DSCAM: variants seen among roughly 807,000 people sequenced by gnomAD.
DSCAM encodes the protein cell adhesion molecule DSCAM.
A neutral mutation model predicts 217.7 loss-of-function variants in DSCAM; 47 were observed. The ratio of observed to expected loss-of-function variants is 0.22; its 90% CI spans 0.17 to 0.28. DSCAM has a LOEUF of 0.28. Ranked by LOEUF, DSCAM falls within the 10% of genes least tolerant of loss-of-function variation. DSCAM has a pLI of 1.00. For synonymous variants in DSCAM, 1,056 were observed against 1,015.3 expected (o/e 1.04, Z -0.76); for missense variants, 2,080 against 2,618.3 (o/e 0.79, Z 4.49).
At chr21:40,563,063 TAAGAA>T (rs1568907149) in intron 3 of DSCAM, among the ~76,000 whole-genome samples, 1 of 152,144 alleles carries the variant, frequency 6.6e-6, no homozygotes, top group Non-Finnish European at 1.5e-5. Context: ...GAGTTATCCC[TAAGAA>T]AAGCTTACAC....
intron 3 of DSCAM, among the ~76,000 whole-genome samples, chr21:40,567,759 C>T (rs187638338): frequency 1.1e-3 from 161 of 152,360 alleles, no homozygotes; most frequent in Non-Finnish European, 2.0e-3. Flanking sequence ...CATTCCCAAA[C>T]TTAGATTAGC....
rs113600270 is a variant in DSCAM, at chr21:40,803,776, GA to G, written c.43+42842del. Among the ~76,000 whole-genome samples, 722 of 148,202 alleles carry G rather than the reference GA, an allele frequency of 4.9e-3. 6 individuals are homozygous for G. Among genetic ancestry groups the G allele is most frequent in the South Asian group, 0.03 (142 of 4,658 alleles). ...AGGAAAAGAGGAAGGGAAGAATGGG[GA>G]AAAAAAAAACACCTTTATACCTGTG... On this transcript the variant is annotated intron_variant, in intron 1 of 32. Coordinates refer to ENST00000400454, the MANE Select transcript of DSCAM (RefSeq NM_001389.5).
intron 20 of DSCAM, among the ~76,000 whole-genome samples, chr21:40,120,439 A>T (rs1461278921): frequency 6.6e-6 from 1 of 152,254 alleles, no homozygotes; most frequent in African/African-American, 2.4e-5. Flanking sequence ...AAAGTTTTTC[A>T]GACTGCTTTT....
At chr21:40,536,657 T>A (rs541124022) in intron 3 of DSCAM, among the ~76,000 whole-genome samples, 1 of 152,126 alleles carries the variant, frequency 6.6e-6, no homozygotes, top group Non-Finnish European at 1.5e-5. Context: ...CCGCCCGCCT[T>A]GGCCTCCCAA....
chr21:40,433,236 C>T (rs2075552041), intron 3 of DSCAM, among the ~76,000 whole-genome samples: 1 of 151,350 alleles, frequency 6.6e-6, no homozygotes, highest in Admixed American at 6.6e-5. Context: ...GTAGTCCCAG[C>T]TACGCGGGAG....
At chr21:40,220,203 C>T (rs1639299389) in intron 11 of DSCAM, among the ~76,000 whole-genome samples, 1 of 152,168 alleles carries the variant, frequency 6.6e-6, no homozygotes, top group Non-Finnish European at 1.5e-5. Context: ...AAGATGTGAG[C>T]ACCTTGTGTA....
chr21:40,043,430 T>A (rs373821615), intron 31 of DSCAM, among the ~76,000 whole-genome samples: 1 of 152,194 alleles, frequency 6.6e-6, no homozygotes, highest in Non-Finnish European at 1.5e-5. Context: ...TTGAAGTATA[T>A]CATCAAGAAC....
intron 1 of DSCAM, among the ~76,000 whole-genome samples, chr21:40,838,319 G>A (rs2092072820): frequency 6.6e-6 from 1 of 152,170 alleles, no homozygotes; most frequent in Non-Finnish European, 1.5e-5. Context: ...CACCTGAAGT[G>A]GCATGGATGG....
rs192303923 is a variant in DSCAM, at chr21:40,700,945, C to T, written c.361+7509G>A. Among the ~76,000 whole-genome samples the T allele has an allele frequency of 5.9e-5, 9 of 151,980 alleles. No homozygotes were observed. The South Asian group carries it at 8.3e-4, about 14-fold the overall frequency. On this transcript the variant is annotated intron_variant, in intron 2 of 32. Coordinates refer to ENST00000400454, the MANE Select transcript of DSCAM (RefSeq NM_001389.5). ...AGAGATGGATTTTCACCATGTTGGC[C>T]GGGCTGGTCTTGAACTCCTGACTTC... is the stretch of plus-strand genomic sequence containing the variant.
chr21:40,062,549 T>C (rs2089139211), intron 28 of DSCAM, among the ~76,000 whole-genome samples: 1 of 152,190 alleles, frequency 6.6e-6, no homozygotes, highest in African/African-American at 2.4e-5. Context: ...TCACCAGTAG[T>C]AAATTTAGAT....
At chr21:40,747,447 A>T (rs960168627) in intron 1 of DSCAM, among the ~76,000 whole-genome samples, 1 of 151,800 alleles carries the variant, frequency 6.6e-6, no homozygotes, top group Non-Finnish European at 1.5e-5. Flanking sequence ...AAGAAATTGG[A>T]AAATCTAGAA....
intron 8 of DSCAM, among the ~76,000 whole-genome samples, chr21:40,332,661 G>A (rs1439926273): frequency 6.6e-6 from 1 of 152,164 alleles, no homozygotes; most frequent in East Asian, 1.9e-4. Context: ...AAGTTGAAAT[G>A]AAGTGAAAGA....
chr21:40,818,010 G>C (rs549007760), intron 1 of DSCAM, among the ~76,000 whole-genome samples: 1 of 144,868 alleles, frequency 6.9e-6, no homozygotes, highest in African/African-American at 2.6e-5. Flanking sequence ...GCAGGAGAAT[G>C]GCGTGAACCC....
chr21:40,451,033 G>C (rs2075714699), intron 3 of DSCAM, among the ~76,000 whole-genome samples: 1 of 152,138 alleles, frequency 6.6e-6, no homozygotes, highest in South Asian at 2.1e-4. Flanking sequence ...GTCCTTCAAG[G>C]GCAGGCCTAC....
intron 8 of DSCAM, among the ~76,000 whole-genome samples, chr21:40,324,945 C>T (rs1248009439): frequency 2.6e-5 from 4 of 152,100 alleles, no homozygotes; most frequent in African/African-American, 4.8e-5. Context: ...CCAGAGGTGA[C>T]GACAACCAGG....
chr21:40,015,900 T>C (rs1157664722), intron 32 of DSCAM, among the ~76,000 whole-genome samples: 1 of 152,228 alleles, frequency 6.6e-6, no homozygotes, highest in Non-Finnish European at 1.5e-5. Context: ...TTCTGCTGTT[T>C]TGGTACAGAC....
chr21:40,147,436 T>G (rs2146725699), intron 16 of DSCAM, among the ~76,000 whole-genome samples: 1 of 152,350 alleles, frequency 6.6e-6, no homozygotes, highest in East Asian at 1.9e-4. Context: ...CAGGTGTTTT[T>G]GTTCTGTTCC....
intron 1 of DSCAM, among the ~76,000 whole-genome samples, chr21:40,771,340 T>C (rs1011509652): frequency 3.3e-5 from 5 of 152,198 alleles, no homozygotes; most frequent in African/African-American, 1.2e-4. Flanking sequence ...GCTGCAATGA[T>C]TGAAACGGAT....
chr21:40,802,995 T>C (rs2091755587), intron 1 of DSCAM, among the ~76,000 whole-genome samples: 1 of 152,184 alleles, frequency 6.6e-6, no homozygotes, highest in African/African-American at 2.4e-5. Flanking sequence ...TTCCTTTCCT[T>C]ATGGCAGCAC....
Sources: gnomAD v4.1 joint callset for allele counts (sites outside exome capture counted in the v4.1 genomes callset) on GRCh38, gnomAD v4.1.1 for gene constraint, MANE v1.5 for transcripts, NCBI Gene and HGNC (gene_info 2026-07-23, HGNC 2026-07-21) for gene names.